The following CENPE variants were observed in gnomAD, a reference collection of about 807,000 sequenced individuals.
CENPE encodes the protein centromere-associated protein E.
Under a neutral mutation model 336.1 loss-of-function variants are expected in CENPE, and 145 were observed. The ratio of observed to expected loss-of-function variants is 0.43; its 90% confidence interval spans 0.38 to 0.50. CENPE has a LOEUF of 0.50. Ranked by LOEUF, CENPE falls within the 20% of genes least tolerant of loss-of-function variation. The pLI is 0.00. For missense variants in CENPE, 2,719 were observed against 3,023.3 expected (o/e 0.90, Z 2.36); for synonymous variants, 1,013 against 984.8 (o/e 1.03, Z -0.54).
At chr4:103,191,607 G>T (rs544599890) in intron 8 of CENPE, among the ~76,000 whole-genome samples, 6 of 147,314 alleles carry the variant, frequency 4.1e-5, no homozygotes, top group Non-Finnish European at 6.0e-5. Context: ...ATGAGAACAC[G>T]TGGACACAGG....
At chr4:103,159,354 T>TTAG in intron 21 of CENPE, 30 bp from the exon 22 acceptor site, 1 of 1,250,020 alleles carries the variant, frequency 8.0e-7, no homozygotes, top group Non-Finnish European at 1.1e-6. Context: ...TTTAGGGATG[T>TTAG]TAGCAACATA....
At position 103,158,267 on chromosome 4, in the gene CENPE, C is replaced by T. The variant is rs2251322; in HGVS notation, c.3033+33G>A. 598,948 of 1,521,718 alleles carry T rather than the reference C, an allele frequency of 0.39. 120,372 individuals carry two copies. Among genetic ancestry groups the T allele is most frequent in the African/African-American group, 0.59 (42,598 of 71,634 alleles). 94.3% of individuals were successfully genotyped at this position (1,521,718 alleles called of 1,614,324 possible). On this transcript the variant is annotated intron_variant, in intron 24 of 48. Coordinates refer to ENST00000265148, the MANE Select transcript of CENPE (RefSeq NM_001813.3). ...TGAGGTTAAAGAGTATATATACAAG[C>T]ATATGAAAACTCTGAAAATAAACAC...
intron 24 of CENPE, among the ~76,000 whole-genome samples, chr4:103,154,478 C>T (rs1274970884): frequency 6.6e-6 from 1 of 152,090 alleles, no homozygotes. Flanking sequence ...TAGCAACCCC[C>T]TTATTGTTGG....
intron 16 of CENPE, among the ~76,000 whole-genome samples, chr4:103,172,935 A>C (rs1755534112): frequency 6.6e-6 from 1 of 152,086 alleles, no homozygotes; most frequent in Non-Finnish European, 1.5e-5. Context: ...ATATTGCCCA[A>C]AGTGATCCAC....
intron 18 of CENPE, among the ~76,000 whole-genome samples, chr4:103,162,364 G>C (rs1001024589): frequency 4.0e-5 from 6 of 151,844 alleles, no homozygotes; most frequent in African/African-American, 7.3e-5. Flanking sequence ...TAAGTAATCA[G>C]GTATACTGAA....
At chr4:103,115,468 A>T (rs1242731886) in intron 45 of CENPE, among the ~76,000 whole-genome samples, 1 of 152,134 alleles carries the variant, frequency 6.6e-6, no homozygotes, top group Admixed American at 6.5e-5. Flanking sequence ...AATTGTTTTT[A>T]TAATTAAGAA....
At chr4:103,126,796 C>A (rs1040444595) in intron 42 of CENPE, among the ~76,000 whole-genome samples, 2 of 151,916 alleles carry the variant, frequency 1.3e-5, no homozygotes, top group Non-Finnish European at 2.9e-5. Flanking sequence ...ACGAAGAATG[C>A]CCTTGAAGAG....
intron 16 of CENPE, among the ~76,000 whole-genome samples, chr4:103,173,408 A>C (rs1272599872): frequency 6.6e-6 from 1 of 152,066 alleles, no homozygotes; most frequent in Non-Finnish European, 1.5e-5. Flanking sequence ...TGAAACTACT[A>C]GAAAACAAGA....
chr4:103,182,947 G>T, intron 10 of CENPE, 56 bp from the exon 11 acceptor site: 1 of 1,547,378 alleles, frequency 6.5e-7, no homozygotes, highest in Non-Finnish European at 8.8e-7. Flanking sequence ...ATATAATAAA[G>T]TAGTTGGTTT....
intron 42 of CENPE, among the ~76,000 whole-genome samples, chr4:103,130,996 G>C (rs964283581): frequency 6.6e-6 from 1 of 151,396 alleles, no homozygotes; most frequent in Non-Finnish European, 1.5e-5. Context: ...AAAAACTATG[G>C]AAGACAGCAT....
rs111281587 is a variant in CENPE at position 103,144,217 on chromosome 4, C to A, written c.5145+114G>T. On this transcript the variant is annotated intron_variant, in intron 33 of 48. Transcript: ENST00000265148. Reference sequence around the variant, plus strand: ...TCCCAAAGTGCTGGGATTACCGGCTCGAGCCACCGCGCCCGGCCTGGACCA... The same window carrying A: ...TCCCAAAGTGCTGGGATTACCGGCTAGAGCCACCGCGCCCGGCCTGGACCA... 2,239 of 827,112 alleles carry A rather than the reference C, an allele frequency of 2.7e-3. 39 individuals are homozygous for A. In the African/African-American group the frequency reaches 0.035, roughly 13 times the overall value. 51.2% of individuals were successfully genotyped at this position (827,112 alleles called of 1,614,324 possible). A position where few individuals can be genotyped will look rare whatever the true frequency, so the allele number is the denominator to read the frequency against.
At position 103,196,123 on chromosome 4, in the gene CENPE, C is replaced by T. The variant is rs116737700; in HGVS notation, c.238+40G>A. On this transcript the variant is annotated intron_variant, in intron 3 of 48. Coordinates refer to ENST00000265148, the MANE Select transcript of CENPE (RefSeq NM_001813.3). ...TATGCATGCTTGTTGCACAGACGCC[C>T]AAGACTAAAATGTTTCTGCAGCATT... 599 of 1,593,856 alleles carry T rather than the reference C, an allele frequency of 3.8e-4. 3 individuals carry two copies. In the African/African-American group the frequency reaches 7.2e-3, roughly 19 times the overall value.
intron 32 of CENPE, 107 bp from the exon 33 acceptor site, chr4:103,144,725 G>A (rs1752867232): frequency 2.7e-6 from 2 of 735,988 alleles, no homozygotes; most frequent in Non-Finnish European, 4.4e-6. Context: ...TCTAATGTAT[G>A]TAGTACTTTC....
intron 16 of CENPE, among the ~76,000 whole-genome samples, chr4:103,171,192 C>T (rs1434729767): frequency 2.0e-5 from 3 of 152,078 alleles, no homozygotes; most frequent in Non-Finnish European, 4.4e-5. Context: ...CAGATGTTTA[C>T]AGAACATTCC....
At chr4:103,168,456 G>A (rs1429649564) in intron 16 of CENPE, among the ~76,000 whole-genome samples, 1 of 152,154 alleles carries the variant, frequency 6.6e-6, no homozygotes, top group Non-Finnish European at 1.5e-5. Context: ...GAATGTCACA[G>A]CTACAGAATG....
At chr4:103,172,402 C>A (rs1322708146) in intron 16 of CENPE, among the ~76,000 whole-genome samples, 1 of 151,798 alleles carries the variant, frequency 6.6e-6, no homozygotes, top group East Asian at 1.9e-4. Context: ...GAGTTCAATA[C>A]CTCTTCATGA....
chr4:103,178,370 A>G (rs2126013625), intron 13 of CENPE, among the ~76,000 whole-genome samples: 1 of 152,298 alleles, frequency 6.6e-6, no homozygotes, highest in Non-Finnish European at 1.5e-5. Flanking sequence ...AACCCTTAGT[A>G]TCTCTGCAAA....
intron 9 of CENPE, 126 bp from the exon 10 acceptor site, chr4:103,183,414 T>C (rs1425526070): frequency 7.8e-6 from 5 of 637,192 alleles, no homozygotes; most frequent in Admixed American, 6.6e-5. Context: ...GGTTTAGACA[T>C]GAGCCCATCT....
intron 8 of CENPE, among the ~76,000 whole-genome samples, chr4:103,186,170 T>A (rs1407408017): frequency 6.6e-6 from 1 of 152,182 alleles, no homozygotes; most frequent in African/African-American, 2.4e-5. Flanking sequence ...TATTTATCCA[T>A]CCCTTATTCT....
Sources: allele counts gnomAD v4.1 joint callset (sites outside exome capture counted in the v4.1 genomes callset), GRCh38; gene constraint gnomAD v4.1.1; transcripts MANE v1.5; gene names NCBI Gene and HGNC (gene_info 2026-07-23, HGNC 2026-07-21).